JADE2: variants seen among roughly 807,000 people sequenced by gnomAD.
The protein encoded by JADE2 is E3 ubiquitin-protein ligase Jade-2.
Under a neutral mutation model 85.7 loss-of-function variants are expected in JADE2, and 13 were observed. The ratio of observed to expected loss-of-function variants is 0.15; its 90% CI spans 0.10 to 0.24. The LOEUF is 0.24. Among genes scored for constraint, JADE2 ranks in the 10% least tolerant of loss-of-function variants. The pLI, the probability that JADE2 is intolerant of heterozygous loss-of-function variation, is 1.00. For missense variants in JADE2, 846 were observed against 1,115.9 expected, an observed-to-expected ratio of 0.76 and a Z score of 3.45; for synonymous variants, 440 against 456.1, an observed-to-expected ratio of 0.96 and a Z score of 0.45.
chr5:134,582,835 T>C lies in JADE2; in HGVS notation c.*3518T>C, dbSNP rs1764773835. ...GAAAGTGATGTGCCATTTGTTAATA[T>C]ACAAGAGAAATATTGAAAATATATT... is the stretch of plus-strand genomic sequence containing the variant. On this transcript the variant is annotated 3_prime_UTR_variant, in exon 12 of 12. Transcript: ENST00000681547. 1 of 152,656 alleles carries C rather than the reference T, an allele frequency of 6.6e-6. No individual in the cohort carries two copies. The highest frequency in any genetic ancestry group is 2.1e-4 in the South Asian group (1 of 4,836). The allele number at this position is 152,656 out of a possible 1,614,324, so 9.5% of individuals were successfully genotyped here.
intron 1 of JADE2, among the ~76,000 whole-genome samples, chr5:134,527,781 G>C (rs1249828541): frequency 6.6e-6 from 1 of 152,160 alleles, no homozygotes; most frequent in Non-Finnish European, 1.5e-5. Context: ...GCTGGCCTGG[G>C]CACTTTTTTA....
rs1763673671 is a variant in JADE2 at position 134,566,860 on chromosome 5, C to T, written c.1434+280C>T. Among the ~76,000 whole-genome samples the T allele has an allele frequency of 6.6e-6, 1 of 152,174 alleles. No homozygotes were observed. The highest frequency in any genetic ancestry group is 1.5e-5 in the Non-Finnish European group (1 of 68,028). Reference sequence around the variant, plus strand: ...TCACAGGCCTGGTGAATGGTGGGGGCCCTGCCAAGGTCATGAGGCTGAGAG... The same window carrying T: ...TCACAGGCCTGGTGAATGGTGGGGGTCCTGCCAAGGTCATGAGGCTGAGAG... On this transcript the variant is annotated intron_variant, in intron 9 of 11. Coordinates refer to ENST00000681547, the MANE Select transcript of JADE2 (RefSeq NM_001388185.1). The surrounding 1 kb of genome is among the most constrained non-coding windows in gnomAD (Gnocchi z 6.7).
rs63180460 is a variant in JADE2, at chr5:134,580,426, C to CCG, written c.*1110_*1111insGC. 1 of 7,080 alleles carries CCG rather than the reference C, an allele frequency of 1.4e-4. No homozygotes were observed. The highest frequency in any genetic ancestry group is 2.3e-4 in the African/African-American group (1 of 4,354). The allele number at this position is 7,080 out of a possible 1,614,324, so 0.4% of individuals were successfully genotyped here. A position where few individuals can be genotyped will look rare whatever the true frequency, so the allele number is the denominator to read the frequency against. ...GAGCCTTAACCCCTCGCACAGCCAT[C>CCG]CCCCCCCCCGTCCTGCCATCCCCCC... On this transcript the variant is annotated 3_prime_UTR_variant, in exon 12 of 12. Coordinates refer to ENST00000681547, the MANE Select transcript of JADE2 (RefSeq NM_001388185.1).
intron 1 of JADE2, chr5:134,526,587 C>T (rs1581378655): frequency 2.0e-6 from 2 of 985,420 alleles, no homozygotes; most frequent in Non-Finnish European, 2.4e-6. Context: ...TCACGTGCAG[C>T]CGGTCCGGTC....
At chr5:134,564,220 T>C in intron 7 of JADE2, 1 of 312,932 alleles carries the variant, frequency 3.2e-6, no homozygotes, top group Non-Finnish European at 6.0e-6. Context: ...CTACACACAC[T>C]GACGGCACAC....
chr5:134,550,939 C>A (rs186421605), intron 3 of JADE2, among the ~76,000 whole-genome samples: 29 of 152,202 alleles, frequency 1.9e-4, no homozygotes, highest in South Asian at 4.1e-4. Flanking sequence ...CCTACCCCCC[C>A]TTCCCCAACA....
chr5:134,557,028 TACACACACACC>T (rs1762992193), intron 4 of JADE2, among the ~76,000 whole-genome samples: 1 of 82,028 alleles, frequency 1.2e-5, no homozygotes, highest in African/African-American at 4.6e-5. Flanking sequence ...ACACAGCACA[TACACACACACC>T]ACACACACAC....
At chr5:134,559,614 G>A (rs1168610194) in intron 4 of JADE2, among the ~76,000 whole-genome samples, 1 of 152,236 alleles carries the variant, frequency 6.6e-6, no homozygotes, top group African/African-American at 2.4e-5. Flanking sequence ...TGGGTTTTCT[G>A]TGTACTGCCT....
chr5:134,538,346 T>C (rs1440540128), intron 3 of JADE2, among the ~76,000 whole-genome samples: 7 of 152,146 alleles, frequency 4.6e-5, no homozygotes, highest in Admixed American at 2.6e-4. Flanking sequence ...TTAGTGAAAG[T>C]TCCCCCTGGC....
In JADE2 at chr5:134,562,044, C is replaced by G. The variant is rs1763355017; in HGVS notation, c.685-156C>G. ...GCTTTCCAGGAGCCCTTCCTTCCTT[C>G]CTTGCATTGTAACTCCTCAGAAGTT... On this transcript the variant is annotated intron_variant, in intron 6 of 11. Coordinates refer to ENST00000681547, the MANE Select transcript of JADE2 (RefSeq NM_001388185.1). The surrounding 1 kb of genome is among the most constrained non-coding windows in gnomAD (Gnocchi z 4.6). Among the ~76,000 whole-genome samples, 1 of 152,164 alleles carries G rather than the reference C, an allele frequency of 6.6e-6. No homozygotes were observed. The highest frequency in any genetic ancestry group is 1.5e-5 in the Non-Finnish European group (1 of 68,022).
At chr5:134,546,092 TC>T (rs1395872122) in intron 3 of JADE2, among the ~76,000 whole-genome samples, 1 of 152,230 alleles carries the variant, frequency 6.6e-6, no homozygotes, top group Non-Finnish European at 1.5e-5. Context: ...TTCATACAAA[TC>T]CTGGGATTCA....
At chr5:134,528,669 GT>G (rs1341806260) in intron 1 of JADE2, among the ~76,000 whole-genome samples, 1 of 152,198 alleles carries the variant, frequency 6.6e-6, no homozygotes, top group Non-Finnish European at 1.5e-5. Context: ...GTTGGCTGTT[GT>G]TTTGAGTGGA....
In JADE2 at chr5:134,578,467, T is replaced by C. The variant is rs372870237; in HGVS notation, c.1682-27T>C. On this transcript the variant is annotated intron_variant, in intron 11 of 11. Coordinates refer to ENST00000681547, the MANE Select transcript of JADE2 (RefSeq NM_001388185.1). The surrounding 1 kb of genome is among the most constrained non-coding windows in gnomAD (Gnocchi z 4.4). ...AGGGTGGGACACACGTCTGCTGGCG[T>C]CTCACTTGCCTCCTCTCTCCCCTCA... 2.0e-4 allele frequency: 307 copies of C among 1,522,176 alleles called. No individual in the cohort carries two copies. The highest frequency in any genetic ancestry group is 2.6e-4 in the African/African-American group (19 of 72,790). 94.3% of individuals were successfully genotyped at this position (1,522,176 alleles called of 1,614,324 possible). A position where few individuals can be genotyped will look rare whatever the true frequency, so the allele number is the denominator to read the frequency against.
intron 1 of JADE2, among the ~76,000 whole-genome samples, chr5:134,533,797 C>T (rs1293001532): frequency 5.6e-5 from 8 of 141,870 alleles, no homozygotes; most frequent in East Asian, 4.5e-4. Flanking sequence ...CCAAGGCTGG[C>T]GTGCAGTGGC....
chr5:134,529,784 T>C (rs2149850281), intron 1 of JADE2, among the ~76,000 whole-genome samples: 1 of 152,142 alleles, frequency 6.6e-6, no homozygotes, highest in Non-Finnish European at 1.5e-5. Flanking sequence ...TGGGAGCGAG[T>C]AGACGGAGCT....
upstream of JADE2, chr5:134,525,614 C>A: frequency 8.0e-6 from 5 of 624,334 alleles, no homozygotes; most frequent in South Asian, 5.2e-5. Context: ...ACCCCCACCC[C>A]AACACATTTT....
rs376950722 is a variant in JADE2, at chr5:134,567,665, G to T, written c.1434+1085G>T. ...TATCTGCATCGCAGTGGGCAAGGCTGTAAAATGGGTAGAACATCTCCAGGG... is the reference window on the plus strand; with the variant it reads ...TATCTGCATCGCAGTGGGCAAGGCTTTAAAATGGGTAGAACATCTCCAGGG... On this transcript the variant is annotated intron_variant, in intron 9 of 11. Transcript: ENST00000681547. Among the ~76,000 whole-genome samples, 10 of 152,332 alleles carry T rather than the reference G, an allele frequency of 6.6e-5. No homozygotes were observed. In the South Asian group the frequency reaches 2.1e-3, roughly 32 times the overall value.
intron 1 of JADE2, chr5:134,526,397 G>A (rs1007743373): frequency 1.0e-6 from 1 of 985,106 alleles, no homozygotes; most frequent in African/African-American, 1.8e-5. Flanking sequence ...CGCGGGCTCC[G>A]GCCGGGCGTA....
At chr5:134,545,373 A>G (rs986607457) in intron 3 of JADE2, among the ~76,000 whole-genome samples, 2 of 151,590 alleles carry the variant, frequency 1.3e-5, no homozygotes, top group African/African-American at 4.8e-5. Flanking sequence ...AAGTGCTGTT[A>G]TCCTCATGAA....
Sources: gnomAD v4.1 joint callset for allele counts (sites outside exome capture counted in the v4.1 genomes callset) on GRCh38, gnomAD v4.1.1 for gene constraint, Gnocchi (gnomAD v3.1) non-coding constraint, MANE v1.5 for transcripts, NCBI Gene and HGNC (gene_info 2026-07-23, HGNC 2026-07-21) for gene names.